SPATA21: variants seen among roughly 807,000 people sequenced by gnomAD.
The protein encoded by SPATA21 is spermatogenesis associated 21, also known as spermatogenesis-associated protein 21.
Under a neutral mutation model 54.8 loss-of-function variants are expected in SPATA21, and 47 were observed. The observed-to-expected ratio is 0.86, with a 90% CI of 0.68 to 1.09. The LOEUF (loss-of-function observed/expected upper bound fraction) is 1.09, where lower values mean the gene tolerates loss of function less well. SPATA21 is among the 50% of genes least tolerant of loss of function. SPATA21 has a pLI of 0.00. For missense variants in SPATA21, 599 were observed against 596.4 expected (o/e 1.00, Z -0.05); for synonymous variants, 245 against 235.3 (o/e 1.04, Z -0.38).
At chr1:16,431,194 G>C (rs974686904) in intron 3 of SPATA21, 144 bp downstream of exon 3, 1 of 1,522,568 alleles carries the variant, frequency 6.6e-7, no homozygotes, top group Non-Finnish European at 8.8e-7. Flanking sequence ...GGAAGGGAAA[G>C]GTGCCAGCTA....
chr1:16,421,138 GT>G lies in SPATA21; in HGVS notation c.144+370del, dbSNP rs2086158432. On this transcript the variant is annotated intron_variant, in intron 5 of 12. Coordinates refer to ENST00000335496, the MANE Select transcript of SPATA21 (RefSeq NM_198546.1). This position sits in a 1 kb window ranked among gnomAD's most constrained non-coding sequence, Gnocchi z 5.2. ...GGGGAGGGAAGGATGGCTGGGAGGGGTCGGGGAAGCCTCCCAGGTGTTCAGG... is the reference window on the plus strand; with the variant it reads ...GGGGAGGGAAGGATGGCTGGGAGGGGCGGGGAAGCCTCCCAGGTGTTCAGG... Among the ~76,000 whole-genome samples, 1 of 152,066 alleles carries G rather than the reference GT, an allele frequency of 6.6e-6. No homozygotes were observed. Among genetic ancestry groups the G allele is most frequent in the Admixed American group, 6.6e-5 (1 of 15,256 alleles).
At chr1:16,422,108 C>G in intron 3 of SPATA21, 137 bp from the exon 4 acceptor site, 1 of 1,525,586 alleles carries the variant, frequency 6.6e-7, no homozygotes, top group Non-Finnish European at 8.8e-7. Flanking sequence ...CTCCCAGTGG[C>G]TGGCCATGGC....
intron 10 of SPATA21, among the ~76,000 whole-genome samples, chr1:16,401,754 C>T (rs1003292957): frequency 2.6e-5 from 4 of 152,180 alleles, no homozygotes; most frequent in African/African-American, 9.7e-5. Context: ...AGTAGCTAGG[C>T]TCCCGCTGGA....
At chr1:16,416,540 T>C (rs562958000) in intron 5 of SPATA21, among the ~76,000 whole-genome samples, 64 of 152,116 alleles carry the variant, frequency 4.2e-4, no homozygotes, top group African/African-American at 1.5e-3. Context: ...TAGCCACACG[T>C]GGTGGTATAT....
chr1:16,417,336 G>A (rs1206108799), intron 5 of SPATA21, among the ~76,000 whole-genome samples: 2 of 151,998 alleles, frequency 1.3e-5, no homozygotes, highest in Non-Finnish European at 2.9e-5. Flanking sequence ...TTGGCTCACT[G>A]CAGCCTCTGC....
rs2086368294 is a variant in SPATA21 at position 16,428,131 on chromosome 1, G to A, written c.34+3207C>T. 7.5e-7 allele frequency: 1 copy of A among 1,331,978 alleles called. No homozygotes were observed. The highest frequency in any genetic ancestry group is 2.6e-5 in the East Asian group (1 of 38,058). 82.5% of individuals were successfully genotyped at this position (1,331,978 alleles called of 1,614,324 possible). Reference sequence around the variant, plus strand: ...CTGGCCTCAAGGACAGGGAGATCCTGTGCCTGATTGGGGAAGCTGTTGGAG... The same window carrying A: ...CTGGCCTCAAGGACAGGGAGATCCTATGCCTGATTGGGGAAGCTGTTGGAG... On this transcript the variant is annotated intron_variant, in intron 3 of 12. Coordinates refer to ENST00000335496, the MANE Select transcript of SPATA21 (RefSeq NM_198546.1). The surrounding 1 kb of genome is among the most constrained non-coding windows in gnomAD (Gnocchi z 4.3).
At chr1:16,401,060 C>A (rs1440543167) in intron 10 of SPATA21, among the ~76,000 whole-genome samples, 168 bp from the exon 11 acceptor site, 1 of 152,230 alleles carries the variant, frequency 6.6e-6, no homozygotes, top group Admixed American at 6.5e-5. Flanking sequence ...GAGCAAGTCA[C>A]TGCCCTGCTC....
Position 16,402,246 on chromosome 1 carries a change from A to AT in SPATA21, c.1002-1355dup, listed in dbSNP as rs780999908. Among the ~76,000 whole-genome samples the AT allele has an allele frequency of 4.5e-3, 332 of 73,132 alleles. 5 individuals are homozygous for AT. Among genetic ancestry groups the AT allele is most frequent in the Admixed American group, 9.2e-3 (52 of 5,666 alleles). The allele number at this position is 73,132 out of a possible 152,430, so 48.0% of individuals were successfully genotyped here. A position where few individuals can be genotyped will look rare whatever the true frequency, so the allele number is the denominator to read the frequency against. Reference sequence around the variant, plus strand: ...TTTCTTCTGGCAGTTCTGAGCTGCCATTCTTTTTTTTTTTTTTTTTTTTTT... The same window carrying AT: ...TTTCTTCTGGCAGTTCTGAGCTGCCATTTCTTTTTTTTTTTTTTTTTTTTTT... On this transcript the variant is annotated intron_variant, in intron 10 of 12. Transcript: ENST00000335496.
Position 16,432,895 on chromosome 1 carries a change from C to G in SPATA21, c.-157G>C, listed in dbSNP as rs911111129. On this transcript the variant is annotated 5_prime_UTR_variant, in exon 2 of 13. Coordinates refer to ENST00000335496, the MANE Select transcript of SPATA21 (RefSeq NM_198546.1). ...GGAAACCTTTGTAAACAGTATTCTCCTAACAGCCCTGTGAAGTCTGGGTTC... is the reference window on the plus strand; with the variant it reads ...GGAAACCTTTGTAAACAGTATTCTCGTAACAGCCCTGTGAAGTCTGGGTTC... 3 of 152,194 alleles carry G rather than the reference C, an allele frequency of 2.0e-5. No homozygotes were observed. Among genetic ancestry groups the G allele is most frequent in the Admixed American group, 1.3e-4 (2 of 15,264 alleles). 9.4% of individuals were successfully genotyped at this position (152,194 alleles called of 1,614,324 possible). A position where few individuals can be genotyped will look rare whatever the true frequency, so the allele number is the denominator to read the frequency against.
At chr1:16,397,657 T>A (rs1339927877), downstream of SPATA21, 1 of 152,466 alleles carries the variant, frequency 6.6e-6, no homozygotes, top group Non-Finnish European at 1.5e-5. This position sits in a 1 kb window ranked among gnomAD's most constrained non-coding sequence, Gnocchi z 5.4. Flanking sequence ...GAGCCACTAC[T>A]CTGATGTCAG....
At chr1:16,424,983 A>C (rs2086282437) in intron 3 of SPATA21, 1 of 317,412 alleles carries the variant, frequency 3.2e-6, no homozygotes, top group South Asian at 2.4e-5. Context: ...CAATGGCGCG[A>C]TCTCAGCTCA....
chr1:16,402,880 T>C (rs1326550018), intron 10 of SPATA21, among the ~76,000 whole-genome samples: 1 of 152,170 alleles, frequency 6.6e-6, no homozygotes, highest in Non-Finnish European at 1.5e-5. Flanking sequence ...GAGTCGTAAT[T>C]GTATCACTAC....
intron 5 of SPATA21, among the ~76,000 whole-genome samples, chr1:16,415,457 A>T (rs1025553920): frequency 1.3e-5 from 2 of 152,190 alleles, no homozygotes; most frequent in Non-Finnish European, 2.9e-5. Context: ...CCCTCTGGGG[A>T]CTACAGGGCT....
In SPATA21 at chr1:16,405,059, T is replaced by C. The variant is rs776500253; in HGVS notation, c.719A>G (p.Asp240Gly). 4.3e-6 allele frequency: 7 copies of C among 1,610,000 alleles called. No individual in the cohort carries two copies. Among genetic ancestry groups the C allele is most frequent in the Non-Finnish European group, 5.9e-6 (7 of 1,178,628 alleles). ...FEIFNGPGEV[D>G]AQSLKNILLL... ...CAGGATATTCTTCAGGCTCTGTGCA[T>C]CCACCTCACCAGGACCATTGAAGAT... is the stretch of plus-strand genomic sequence containing the variant. Residue 240 changes from aspartate to glycine, a missense_variant, in exon 8 of 13, where the codon GAT (aspartate) becomes GGT (glycine). By Grantham distance (94) the Asp-to-Gly change is moderately conservative (BLOSUM62 -1). Coordinates refer to ENST00000335496, the MANE Select transcript of SPATA21 (RefSeq NM_198546.1).
downstream of SPATA21, among the ~76,000 whole-genome samples, chr1:16,398,318 G>T (rs1041775288): frequency 2.6e-5 from 4 of 152,068 alleles, no homozygotes; most frequent in East Asian, 1.9e-4. Context: ...GGCTCCCAGA[G>T]AATGAGAGCC....
intron 7 of SPATA21, among the ~76,000 whole-genome samples, chr1:16,408,869 CAA>C (rs141121121): frequency 0.23 from 27,429 of 117,660 alleles, 3,265 homozygotes; most frequent in East Asian, 0.65. Flanking sequence ...GACTCTGTCT[CAA>C]AAAAAAAAAA....
chr1:16,418,337 T>C (rs2086074265), intron 5 of SPATA21, among the ~76,000 whole-genome samples: 1 of 152,306 alleles, frequency 6.6e-6, no homozygotes, highest in Admixed American at 6.5e-5. Context: ...AGTGGCGTGA[T>C]CTCGGCTCAC....
rs759987708 is a variant in SPATA21 at position 16,409,962 on chromosome 1, G to A, written c.226C>T (p.Gln76Ter). Reference protein sequence around the residue: ...PQKPAVAAGTQSLGNFRQGFM... With the variant: ...PQKPAVAAGT ...CCCTGCCGGAAGTTCCCGAGGCTCT[G>A]TGTCCCTGCAGCCACCGCGGGCTTC... The change falls in exon 6 of 13, where the codon CAG becomes TAG. Residue 76 changes from glutamine to a stop codon, truncating the protein, a stop_gained. Coordinates refer to ENST00000335496, the MANE Select transcript of SPATA21 (RefSeq NM_198546.1). LOFTEE classifies it high-confidence loss of function. This position sits in a 1 kb window ranked among gnomAD's most constrained non-coding sequence, Gnocchi z 4.1. The A allele has an allele frequency of 1.1e-5, 18 of 1,612,872 alleles. No individual in the cohort carries two copies. The highest frequency in any genetic ancestry group is 1.4e-5 in the Non-Finnish European group (17 of 1,179,486).
chr1:16,413,320 C>T (rs1004403408), intron 5 of SPATA21, among the ~76,000 whole-genome samples: 27 of 152,342 alleles, frequency 1.8e-4, no homozygotes, highest in Admixed American at 5.2e-4. Flanking sequence ...CCTCAAAGCT[C>T]ATCCATGTGG....
Sources: gnomAD v4.1 joint callset for allele counts (sites outside exome capture counted in the v4.1 genomes callset) on GRCh38, gnomAD v4.1.1 for gene constraint, Gnocchi (gnomAD v3.1) non-coding constraint, MANE v1.5 for transcripts, NCBI Gene and HGNC (gene_info 2026-07-23, HGNC 2026-07-21) for gene names.